Variants in IQCJ observed in about 807,000 individuals in gnomAD.
IQCJ encodes IQ motif containing J.
IQCJ carries 9 observed loss-of-function variants against 11.0 expected under a neutral mutation model. The observed-to-expected ratio is 0.82, with a 90% CI of 0.49 to 1.43. IQCJ has a LOEUF of 1.43. Ranked by LOEUF, IQCJ falls within the 40% of genes most tolerant of loss-of-function variation. The probability of loss-of-function intolerance (pLI) is 0.00; values close to 1 mark genes in which losing one functional copy is unlikely to be tolerated. For missense variants in IQCJ, 146 were observed against 133.2 expected, an observed-to-expected ratio of 1.10 and a Z score of -0.47; for synonymous variants, 55 against 51.3, an observed-to-expected ratio of 1.07 and a Z score of -0.31.
At chr3:159,190,191 A>T (rs989769320) in intron 1 of IQCJ, among the ~76,000 whole-genome samples, 2 of 151,486 alleles carry the variant, frequency 1.3e-5, no homozygotes, top group African/African-American at 2.4e-5. Flanking sequence ...GGGTGGAAAA[A>T]CCTCTCCTTT....
intron 1 of IQCJ, among the ~76,000 whole-genome samples, chr3:159,168,577 A>G (rs77341359): frequency 0.021 from 3,235 of 152,230 alleles, 85 homozygotes; most frequent in African/African-American, 0.074. Flanking sequence ...CAACTACTGT[A>G]TTTGAGTAGG....
chr3:159,230,358 G>A (rs930041443), intron 1 of IQCJ, among the ~76,000 whole-genome samples: 2 of 152,130 alleles, frequency 1.3e-5, no homozygotes, highest in Non-Finnish European at 2.9e-5. Flanking sequence ...ACATACAAGT[G>A]CATGTGTCTT....
chr3:159,262,825 A>G lies in IQCJ; in HGVS notation c.*94A>G. 6.8e-7 allele frequency: 1 copy of G among 1,467,832 alleles called. No homozygotes were observed. Among genetic ancestry groups the G allele is most frequent in the Non-Finnish European group, 9.1e-7 (1 of 1,104,572 alleles). 90.9% of individuals were successfully genotyped at this position (1,467,832 alleles called of 1,614,324 possible). On this transcript the variant is annotated 3_prime_UTR_variant, in exon 4 of 4. Transcript: ENST00000397832. ...TATGTAGCTTATTTGCTACCCAGGA[A>G]CCCATGGTGAGAGTTTTGTCACCTC...
chr3:159,250,749 G>T (rs1462017823), intron 2 of IQCJ, among the ~76,000 whole-genome samples: 1 of 152,210 alleles, frequency 6.6e-6, no homozygotes, highest in Non-Finnish European at 1.5e-5. Context: ...TCTCGTCCTT[G>T]ACATGTGGGG....
At chr3:159,131,869 T>C (rs1720009873) in intron 1 of IQCJ, among the ~76,000 whole-genome samples, 1 of 152,108 alleles carries the variant, frequency 6.6e-6, no homozygotes, top group South Asian at 2.1e-4. Context: ...GTCTACATGA[T>C]TTTGCTTAGT....
intron 1 of IQCJ, among the ~76,000 whole-genome samples, chr3:159,095,332 G>A (rs572240428): frequency 7.9e-5 from 12 of 151,646 alleles, no homozygotes; most frequent in Admixed American, 5.3e-4. Flanking sequence ...ATATAGAGAC[G>A]ACAGATCAAG....
At chr3:159,154,703 A>G (rs1721418008) in intron 1 of IQCJ, among the ~76,000 whole-genome samples, 2 of 152,184 alleles carry the variant, frequency 1.3e-5, no homozygotes, top group Admixed American at 1.3e-4. Flanking sequence ...GGGAGCTCCA[A>G]GCAAAGCTCT....
At chr3:159,166,155 A>T (rs1722155900) in intron 1 of IQCJ, among the ~76,000 whole-genome samples, 1 of 152,136 alleles carries the variant, frequency 6.6e-6, no homozygotes, top group African/African-American at 2.4e-5. Flanking sequence ...AAAAAAAAAA[A>T]TCCAAACAAA....
At chr3:159,090,660 G>A (rs961361408) in intron 1 of IQCJ, among the ~76,000 whole-genome samples, 5 of 151,800 alleles carry the variant, frequency 3.3e-5, no homozygotes, top group African/African-American at 1.2e-4. Flanking sequence ...GGTGAGAGTA[G>A]GAGAAATGAG....
intron 1 of IQCJ, among the ~76,000 whole-genome samples, chr3:159,237,734 G>T (rs1726674502): frequency 6.6e-6 from 1 of 152,192 alleles, no homozygotes; most frequent in Non-Finnish European, 1.5e-5. Context: ...AGTAGAAATT[G>T]TCCTGTTATT....
intron 1 of IQCJ, 38 bp from the exon 2 acceptor site, chr3:159,245,805 G>T: frequency 6.7e-7 from 1 of 1,489,576 alleles, no homozygotes; most frequent in Non-Finnish European, 9.1e-7. Flanking sequence ...GGAAGTAGCT[G>T]GTGACAATTT....
chr3:159,248,284 A>G (rs1318619276), intron 2 of IQCJ, among the ~76,000 whole-genome samples: 1 of 152,184 alleles, frequency 6.6e-6, no homozygotes, highest in African/African-American at 2.4e-5. Context: ...GGTTCATTCC[A>G]TCTGCACGAT....
intron 1 of IQCJ, among the ~76,000 whole-genome samples, chr3:159,090,937 A>G (rs923723383): frequency 3.3e-5 from 5 of 151,920 alleles, no homozygotes; most frequent in Admixed American, 2.6e-4. Flanking sequence ...TTCTTTCTTA[A>G]TTTCCCCAGT....
chr3:159,084,800 C>T (rs2108064994), intron 1 of IQCJ, among the ~76,000 whole-genome samples: 1 of 152,128 alleles, frequency 6.6e-6, no homozygotes. Context: ...GAGGTAACCC[C>T]ATTAAGACCC....
intron 1 of IQCJ, among the ~76,000 whole-genome samples, chr3:159,189,271 A>G (rs754889019): frequency 1.2e-4 from 19 of 152,328 alleles, no homozygotes; most frequent in Middle Eastern, 3.4e-3. Flanking sequence ...AGTACATGAT[A>G]AAAAGTTATA....
At chr3:159,115,688 T>C (rs1718940173) in intron 1 of IQCJ, among the ~76,000 whole-genome samples, 1 of 152,202 alleles carries the variant, frequency 6.6e-6, no homozygotes, top group South Asian at 2.1e-4. Flanking sequence ...TCTCATGCAA[T>C]TGTCTTGTAT....
At chr3:159,101,586 C>G (rs1045376023) in intron 1 of IQCJ, among the ~76,000 whole-genome samples, 14 of 152,256 alleles carry the variant, frequency 9.2e-5, no homozygotes, top group African/African-American at 3.4e-4. Context: ...GACATCTTCT[C>G]TGCACCTCAT....
At chr3:159,181,163 T>A (rs1190084032) in intron 1 of IQCJ, among the ~76,000 whole-genome samples, 1 of 151,756 alleles carries the variant, frequency 6.6e-6, no homozygotes, top group African/African-American at 2.4e-5. Flanking sequence ...CTGGTGGACA[T>A]GTTTCAGTCC....
intron 1 of IQCJ, among the ~76,000 whole-genome samples, chr3:159,149,560 T>C (rs936017874): frequency 3.9e-5 from 6 of 152,214 alleles, no homozygotes; most frequent in Non-Finnish European, 8.8e-5. Flanking sequence ...CTAAGATTTC[T>C]GCAGGTAAAA....
Sources: gnomAD v4.1 joint callset for allele counts (sites outside exome capture counted in the v4.1 genomes callset) on GRCh38, gnomAD v4.1.1 for gene constraint, MANE v1.5 for transcripts, NCBI Gene and HGNC (gene_info 2026-07-23, HGNC 2026-07-21) for gene names.